The following CCDC91 variants were observed in gnomAD, a reference collection of about 807,000 sequenced individuals.
CCDC91 encodes the protein coiled-coil domain-containing protein 91.
CCDC91 carries 48 observed loss-of-function variants against 63.2 expected under a neutral mutation model. The observed-to-expected ratio is 0.76, with a 90% CI of 0.60 to 0.97. The LOEUF (loss-of-function observed/expected upper bound fraction) is 0.97. CCDC91 is among the 50% of genes least tolerant of loss of function. The probability of loss-of-function intolerance (pLI) is 0.00; values close to 1 mark genes in which losing one functional copy is unlikely to be tolerated. For missense variants in CCDC91, 500 were observed against 494.6 expected (o/e 1.01, Z -0.10); for synonymous variants, 167 against 165.8 (o/e 1.01, Z -0.06).
At chr12:28,370,409 C>T (rs570303874) in intron 7 of CCDC91, among the ~76,000 whole-genome samples, 2 of 152,200 alleles carry the variant, frequency 1.3e-5, no homozygotes, top group Non-Finnish European at 2.9e-5. Context: ...TGCTCCAGAT[C>T]CCAATAGGTT....
intron 1 of CCDC91, among the ~76,000 whole-genome samples, chr12:28,235,044 C>T (rs886529824): frequency 6.6e-6 from 1 of 152,128 alleles, no homozygotes; most frequent in African/African-American, 2.4e-5. Flanking sequence ...GCTCTCTCCA[C>T]ATGGCTAGTT....
chr12:28,322,098 T>A (rs1373739187), intron 6 of CCDC91, among the ~76,000 whole-genome samples: 1 of 151,792 alleles, frequency 6.6e-6, no homozygotes, highest in African/African-American at 2.4e-5. Flanking sequence ...TAAATAAAAA[T>A]TTCTAGGAAA....
chr12:28,237,235 TACACACACACACACACAC>T (rs58134900), intron 1 of CCDC91, among the ~76,000 whole-genome samples: 166 of 143,128 alleles, frequency 1.2e-3, no homozygotes, highest in African/African-American at 4.1e-3. Context: ...GTATTACACA[TACACACACACACACACAC>T]ACACACACAC....
chr12:28,193,211 A>G (rs1430060244), intron 1 of CCDC91, among the ~76,000 whole-genome samples: 1 of 152,222 alleles, frequency 6.6e-6, no homozygotes, highest in East Asian at 1.9e-4. Flanking sequence ...TTGTACATTA[A>G]GGTGCAAGTC....
At chr12:28,535,324 A>G (rs1942065038) in intron 12 of CCDC91, among the ~76,000 whole-genome samples, 1 of 152,226 alleles carries the variant, frequency 6.6e-6, no homozygotes, top group South Asian at 2.1e-4. Context: ...GATAAGCCAT[A>G]CCCATGGAAT....
intron 6 of CCDC91, among the ~76,000 whole-genome samples, chr12:28,323,381 A>G (rs962498438): frequency 6.6e-5 from 10 of 151,808 alleles, no homozygotes; most frequent in Admixed American, 5.9e-4. Context: ...AATATTTGTA[A>G]AACAGTCCCT....
At chr12:28,223,430 CTG>C (rs1592030571) in intron 1 of CCDC91, among the ~76,000 whole-genome samples, 1 of 152,064 alleles carries the variant, frequency 6.6e-6, no homozygotes, top group African/African-American at 2.4e-5. Flanking sequence ...GCTAGCCTGA[CTG>C]TGGTTTCATT....
At chr12:28,541,791 A>G (rs775202033) in intron 12 of CCDC91, among the ~76,000 whole-genome samples, 1 of 151,964 alleles carries the variant, frequency 6.6e-6, no homozygotes, top group Non-Finnish European at 1.5e-5. Context: ...CTGTTATATT[A>G]AGATAAGTTA....
intron 11 of CCDC91, among the ~76,000 whole-genome samples, chr12:28,458,989 T>C (rs748920809): frequency 6.6e-6 from 1 of 152,148 alleles, no homozygotes; most frequent in Non-Finnish European, 1.5e-5. Flanking sequence ...CTACTTAGCA[T>C]AAAATATACA....
intron 1 of CCDC91, among the ~76,000 whole-genome samples, chr12:28,240,289 T>G (rs1945248802): frequency 6.6e-6 from 1 of 152,204 alleles, no homozygotes; most frequent in Non-Finnish European, 1.5e-5. Flanking sequence ...TAAAAAGTTT[T>G]TGTCTTAATG....
chr12:28,211,608 T>C (rs1177487293), intron 1 of CCDC91, among the ~76,000 whole-genome samples: 1 of 152,210 alleles, frequency 6.6e-6, no homozygotes, highest in Non-Finnish European at 1.5e-5. Context: ...GTAAGTTATG[T>C]TTAGTAAGAT....
intron 12 of CCDC91, among the ~76,000 whole-genome samples, chr12:28,507,087 A>G (rs1938820183): frequency 6.6e-6 from 1 of 151,980 alleles, no homozygotes; most frequent in Admixed American, 6.6e-5. Context: ...AGTGAAGCAC[A>G]GTCTTGAGCC....
intron 3 of CCDC91, among the ~76,000 whole-genome samples, chr12:28,260,932 T>C (rs1410090322): frequency 6.6e-6 from 1 of 152,032 alleles, no homozygotes; most frequent in South Asian, 2.1e-4. Flanking sequence ...CTATACTCTT[T>C]CCATTGTGTG....
At chr12:28,435,503 T>C (rs550969850) in intron 8 of CCDC91, among the ~76,000 whole-genome samples, 1 of 151,912 alleles carries the variant, frequency 6.6e-6, no homozygotes, top group South Asian at 2.1e-4. Flanking sequence ...TCTTTTAAAT[T>C]TTTGAAGGTT....
At chr12:28,545,295 T>C (rs1407993877) in intron 12 of CCDC91, among the ~76,000 whole-genome samples, 2 of 152,044 alleles carry the variant, frequency 1.3e-5, no homozygotes, top group Non-Finnish European at 2.9e-5. Context: ...TTTGCCAAAA[T>C]TCTTCTCGCC....
intron 8 of CCDC91, among the ~76,000 whole-genome samples, chr12:28,432,792 T>C (rs1455788467): frequency 6.6e-6 from 1 of 152,086 alleles, no homozygotes; most frequent in Non-Finnish European, 1.5e-5. Context: ...TGTAAGAAAC[T>C]GTTAAACTCT....
At chr12:28,244,661 G>T (rs2136004186) in intron 1 of CCDC91, among the ~76,000 whole-genome samples, 1 of 151,726 alleles carries the variant, frequency 6.6e-6, no homozygotes, top group African/African-American at 2.4e-5. Context: ...CTGGCTGTTG[G>T]CTGGGAACTT....
At chr12:28,352,984 G>C (rs1204124145) in intron 6 of CCDC91, among the ~76,000 whole-genome samples, 1 of 152,200 alleles carries the variant, frequency 6.6e-6, no homozygotes, top group Admixed American at 6.5e-5. Context: ...AGAGAAGAAT[G>C]TTTTGTCTGC....
chr12:28,235,526 A>G (rs1481676162), intron 1 of CCDC91, among the ~76,000 whole-genome samples: 2 of 152,030 alleles, frequency 1.3e-5, no homozygotes, highest in African/African-American at 2.4e-5. Context: ...GGACTACTGT[A>G]AAGTTTCTAT....
Sources: allele counts gnomAD v4.1 joint callset (sites outside exome capture counted in the v4.1 genomes callset), GRCh38; gene constraint gnomAD v4.1.1; transcripts MANE v1.5; gene names NCBI Gene and HGNC (gene_info 2026-07-23, HGNC 2026-07-21).